The following DLGAP2 variants were observed in gnomAD, a reference collection of about 807,000 sequenced individuals.
DLGAP2 encodes the protein disks large-associated protein 2.
A neutral mutation model predicts 100.3 loss-of-function variants in DLGAP2; 26 were observed. The ratio of observed to expected loss-of-function variants is 0.26; its 90% CI spans 0.19 to 0.36. The LOEUF is 0.36. Among genes scored for constraint, DLGAP2 ranks in the 10% least tolerant of loss-of-function variants. The probability of loss-of-function intolerance (pLI) is 1.00; values close to 1 mark genes in which losing one functional copy is unlikely to be tolerated. For missense variants in DLGAP2, 1,858 were observed against 1,453.2 expected (o/e 1.28, Z -4.53); for synonymous variants, 886 against 630.1 (o/e 1.41, Z -6.08).
chr8:1,624,457 G>A (rs183307823), intron 6 of DLGAP2, among the ~76,000 whole-genome samples: 514 of 151,980 alleles, frequency 3.4e-3, no homozygotes, highest in Non-Finnish European at 5.0e-3. Context: ...GCACAGGCAC[G>A]TGGACACATT....
At chr8:1,689,179 A>G (rs1401535914) in intron 12 of DLGAP2, among the ~76,000 whole-genome samples, 1 of 152,200 alleles carries the variant, frequency 6.6e-6, no homozygotes, top group Non-Finnish European at 1.5e-5. Flanking sequence ...AAGGCTGTCT[A>G]GGCTTCCACA....
intron 3 of DLGAP2, among the ~76,000 whole-genome samples, chr8:1,478,177 A>G (rs1167241030): frequency 6.6e-6 from 1 of 152,048 alleles, no homozygotes; most frequent in African/African-American, 2.4e-5. Context: ...TCTTCCATTC[A>G]TCTTACCCAT....
intron 3 of DLGAP2, among the ~76,000 whole-genome samples, chr8:1,419,619 G>A (rs184320046): frequency 1.3e-5 from 2 of 152,236 alleles, no homozygotes; most frequent in Non-Finnish European, 2.9e-5. Flanking sequence ...ATCCAGCATC[G>A]CATCACTAAT....
intron 4 of DLGAP2, among the ~76,000 whole-genome samples, chr8:1,506,215 T>C (rs1443743502): frequency 6.6e-6 from 1 of 152,232 alleles, no homozygotes; most frequent in Admixed American, 6.5e-5. Flanking sequence ...CCCCTTGGGA[T>C]GTTTATTTTT....
rs145623201 is a variant in DLGAP2, at chr8:1,528,241, C to G, written c.173-20385C>G. ...CTAGCTTTCCTCCTCAGGCCACTGG[C>G]CAGGTCTAGGCCCAAGCAGGAGCCC... On this transcript the variant is annotated intron_variant, in intron 4 of 14. Coordinates refer to ENST00000637795, the MANE Select transcript of DLGAP2 (RefSeq NM_001346810.2). Among the ~76,000 whole-genome samples, 4 of 152,312 alleles carry G rather than the reference C, an allele frequency of 2.6e-5. No individual in the cohort carries two copies. The East Asian group carries it at 7.7e-4, about 29-fold the overall frequency.
rs1179526203 is a variant in DLGAP2, at chr8:1,039,586, G to T, written c.73+131620G>T. On this transcript the variant is annotated intron_variant, in intron 2 of 14. Transcript: ENST00000637795. The stretch of plus-strand genomic sequence containing the variant: ...GCTTGGTGTGCGTGGTCAGCTCGGT[G>T]TGCGTGGTCAGCTTGGTGTGCGTGG... Among the ~76,000 whole-genome samples, 165 of 97,584 alleles carry T rather than the reference G, an allele frequency of 1.7e-3. 4 individuals are homozygous for T. Among genetic ancestry groups the T allele is most frequent in the African/African-American group, 1.8e-3 (39 of 21,478 alleles). 64.0% of individuals were successfully genotyped at this position (97,584 alleles called of 152,430 possible).
intron 4 of DLGAP2, among the ~76,000 whole-genome samples, chr8:1,509,919 T>G (rs551375133): frequency 1.3e-5 from 2 of 152,158 alleles, no homozygotes; most frequent in Admixed American, 1.3e-4. Context: ...GTTTCAGGAG[T>G]GCAGCTCTGG....
chr8:1,390,138 A>G lies in DLGAP2; in HGVS notation c.107-111228A>G, dbSNP rs116081824. Among the ~76,000 whole-genome samples, 454 of 152,146 alleles carry G rather than the reference A, an allele frequency of 3.0e-3. 4 individuals carry two copies. The highest frequency in any genetic ancestry group is 0.011 in the African/African-American group (438 of 41,524). Reference sequence around the variant, plus strand: ...GCTTAGAGGAGAAGCTCTTCCAAAAATCAGTAACTAAATCGAGGCACTCTC... The same window carrying G: ...GCTTAGAGGAGAAGCTCTTCCAAAAGTCAGTAACTAAATCGAGGCACTCTC... On this transcript the variant is annotated intron_variant, in intron 3 of 14. Coordinates refer to ENST00000637795, the MANE Select transcript of DLGAP2 (RefSeq NM_001346810.2).
chr8:1,303,481 T>C (rs1459200905), intron 3 of DLGAP2, among the ~76,000 whole-genome samples: 1 of 151,894 alleles, frequency 6.6e-6, no homozygotes, highest in Non-Finnish European at 1.5e-5. Context: ...GGGAAGGAGC[T>C]TCGACCTGGA....
At chr8:1,010,208 C>T (rs1801235962) in intron 2 of DLGAP2, among the ~76,000 whole-genome samples, 1 of 152,190 alleles carries the variant, frequency 6.6e-6, no homozygotes, top group African/African-American at 2.4e-5. Flanking sequence ...CATGTGCACA[C>T]TCAGATATCA....
At chr8:981,092 A>C (rs1800318660) in intron 2 of DLGAP2, among the ~76,000 whole-genome samples, 1 of 152,088 alleles carries the variant, frequency 6.6e-6, no homozygotes, top group Non-Finnish European at 1.5e-5. Context: ...CCCCTGCCCC[A>C]GACCCTGCAC....
At chr8:1,038,781 G>A (rs1802205940) in intron 2 of DLGAP2, among the ~76,000 whole-genome samples, 1 of 152,180 alleles carries the variant, frequency 6.6e-6, no homozygotes, top group Non-Finnish European at 1.5e-5. Flanking sequence ...AGTTATGTAT[G>A]TATGTATAAC....
At chr8:1,036,754 C>CA (rs1247199644) in intron 2 of DLGAP2, among the ~76,000 whole-genome samples, 1 of 152,138 alleles carries the variant, frequency 6.6e-6, no homozygotes, top group Non-Finnish European at 1.5e-5. Context: ...GTGGAGTGAA[C>CA]AGGAGGTGCC....
At chr8:1,136,094 G>A (rs1262818134) in intron 2 of DLGAP2, among the ~76,000 whole-genome samples, 1 of 151,504 alleles carries the variant, frequency 6.6e-6, no homozygotes, top group Non-Finnish European at 1.5e-5. Flanking sequence ...AGGGATTTGA[G>A]ATTCCCCTTG....
At chr8:1,500,888 G>T (rs1313723093) in intron 3 of DLGAP2, among the ~76,000 whole-genome samples, 1 of 152,210 alleles carries the variant, frequency 6.6e-6, no homozygotes, top group Non-Finnish European at 1.5e-5. Flanking sequence ...GATCACAAAT[G>T]CAGGCTTTGA....
intron 4 of DLGAP2, among the ~76,000 whole-genome samples, chr8:1,547,402 C>A: frequency 6.6e-6 from 1 of 151,694 alleles, no homozygotes; most frequent in Non-Finnish European, 1.5e-5. Flanking sequence ...ACAGCTGTGT[C>A]TGGGTGGAGG....
At chr8:1,239,604 G>A (rs1585180763) in intron 2 of DLGAP2, among the ~76,000 whole-genome samples, 7 of 80,912 alleles carry the variant, frequency 8.7e-5, no homozygotes, top group Non-Finnish European at 1.6e-4. Flanking sequence ...ATCACATGGT[G>A]CCGTGTCTAG....
chr8:852,412 A>G (rs1223427135), intron 1 of DLGAP2, among the ~76,000 whole-genome samples: 1 of 152,214 alleles, frequency 6.6e-6, no homozygotes, highest in Non-Finnish European at 1.5e-5. Flanking sequence ...AAGAACACTA[A>G]TGGCAAATCC....
intron 1 of DLGAP2, among the ~76,000 whole-genome samples, chr8:757,775 C>G (rs535599909): frequency 4.1e-4 from 63 of 152,322 alleles, no homozygotes; most frequent in African/African-American, 1.4e-3. Context: ...TGTTCTGAAG[C>G]TGTATCCAAT....
Sources: allele counts gnomAD v4.1 joint callset (sites outside exome capture counted in the v4.1 genomes callset), GRCh38; gene constraint gnomAD v4.1.1; transcripts MANE v1.5; gene names NCBI Gene and HGNC (gene_info 2026-07-23, HGNC 2026-07-21).